Variants in GEMIN5 observed in about 807,000 individuals in gnomAD.
GEMIN5 encodes the protein gem-associated protein 5.
In GEMIN5, 124 loss-of-function variants were observed where a neutral mutation model predicts 176.9. The observed-to-expected ratio is 0.70, with a 90% CI of 0.61 to 0.81. The LOEUF (loss-of-function observed/expected upper bound fraction) is 0.81. GEMIN5 is among the 40% of genes least tolerant of loss of function. The probability of loss-of-function intolerance (pLI) is 0.00; values close to 1 mark genes in which losing one functional copy is unlikely to be tolerated. For missense variants in GEMIN5, 1,843 were observed against 1,814.6 expected, an observed-to-expected ratio of 1.02 and a Z score of -0.28; for synonymous variants, 673 against 665.2, an observed-to-expected ratio of 1.01 and a Z score of -0.18.
At position 154,899,432 on chromosome 5, in the gene GEMIN5, TA is replaced by T. The variant is rs1478577985; in HGVS notation, c.3015-123del. On this transcript the variant is annotated intron_variant, in intron 21 of 27. Coordinates refer to ENST00000285873, the MANE Select transcript of GEMIN5 (RefSeq NM_015465.5). ...GTTGTCTTATTGTTCCAACTTCCTTTAAAAACTGCACTTGCATTATATAGAC... is the reference window on the plus strand; with the variant it reads ...GTTGTCTTATTGTTCCAACTTCCTTTAAAACTGCACTTGCATTATATAGAC... The T allele has an allele frequency of 3.9e-6, 3 of 772,196 alleles. No homozygotes were observed. The Admixed American group carries it at 9.0e-5, about 23-fold the overall frequency. 47.8% of individuals were successfully genotyped at this position (772,196 alleles called of 1,614,324 possible). A position where few individuals can be genotyped will look rare whatever the true frequency, so the allele number is the denominator to read the frequency against.
chr5:154,898,784 G>A (rs1034986161), intron 22 of GEMIN5, 134 bp from the exon 23 acceptor site: 79 of 731,352 alleles, frequency 1.1e-4, no homozygotes, highest in Admixed American at 2.3e-4. Context: ...TCACTGCCCC[G>A]GTTGTTCCTG....
Position 154,927,380 on chromosome 5 carries a change from C to G in GEMIN5, c.1080+5G>C, listed in dbSNP as rs1764063538. ...ACAATGCTGAGTGAAAATAAGCATTCTTACATCTCTATCCATTGATGTAGA... is the reference window on the plus strand; with the variant it reads ...ACAATGCTGAGTGAAAATAAGCATTGTTACATCTCTATCCATTGATGTAGA... On this transcript the variant is annotated splice_donor_5th_base_variant and intron_variant, in intron 7 of 27. Transcript: ENST00000285873. 6.4e-7 allele frequency: 1 copy of G among 1,558,296 alleles called. No individual in the cohort carries two copies. The highest frequency in any genetic ancestry group is 1.3e-5 in the African/African-American group (1 of 74,198).
rs1763252459 is a variant in GEMIN5, at chr5:154,892,475, C to A, written c.3672G>T (p.Val1224=). ...GGACCACCGCCCGAAGGAGCGCCTG[C>A]ACAGCCTCGTCCCAGGAGGCCATCT... The part of the protein sequence containing the change: ...SQQMASWDEA[V]QALLRAVVRS... The change falls in exon 25 of 28, where the codon GTG becomes GTT. Residue 1224 remains valine, a synonymous_variant. Transcript: ENST00000285873. 4 of 1,614,230 alleles carry A rather than the reference C, an allele frequency of 2.5e-6. No homozygotes were observed. Among genetic ancestry groups the A allele is most frequent in the Non-Finnish European group, 3.4e-6 (4 of 1,180,038 alleles).
At chr5:154,912,632 TGA>T (rs1763725835) in intron 14 of GEMIN5, among the ~76,000 whole-genome samples, 1 of 152,140 alleles carries the variant, frequency 6.6e-6, no homozygotes, top group African/African-American at 2.4e-5. Context: ...ATACTGATAG[TGA>T]GTCAGAATGA....
At chr5:154,908,338 G>A (rs573251895) in intron 15 of GEMIN5, among the ~76,000 whole-genome samples, 7 of 151,986 alleles carry the variant, frequency 4.6e-5, no homozygotes, top group African/African-American at 7.2e-5. Context: ...GCACAACCAC[G>A]CCCAGCTAAT....
At chr5:154,888,420 G>C (rs759037791) in intron 27 of GEMIN5, 43 bp from the exon 28 acceptor site, 63 of 1,573,952 alleles carry the variant, frequency 4.0e-5, no homozygotes, top group Non-Finnish European at 3.8e-5. Flanking sequence ...AGCATTTGCA[G>C]AAGAGCCACA....
chr5:154,908,306 G>A (rs1374810364), intron 15 of GEMIN5, among the ~76,000 whole-genome samples: 2 of 149,928 alleles, frequency 1.3e-5, no homozygotes, highest in South Asian at 2.1e-4. Flanking sequence ...TCAGCCTCCT[G>A]AGTAGCTGGG....
At chr5:154,933,670 G>C (rs1171558542) in intron 3 of GEMIN5, among the ~76,000 whole-genome samples, 2 of 152,076 alleles carry the variant, frequency 1.3e-5, no homozygotes, top group Non-Finnish European at 2.9e-5. Context: ...AAGAACACCA[G>C]CACAGCTTTA....
intron 17 of GEMIN5, 69 bp from the exon 18 acceptor site, chr5:154,904,698 G>T: frequency 5.7e-6 from 7 of 1,228,966 alleles, no homozygotes; most frequent in Admixed American, 1.7e-5. Context: ...AATGCCTATT[G>T]TGTGAATGTA....
intron 2 of GEMIN5, 151 bp downstream of exon 2, chr5:154,936,874 T>C: frequency 1.6e-6 from 1 of 625,570 alleles, no homozygotes; most frequent in Non-Finnish European, 2.7e-6. Context: ...TCAAAAAAAG[T>C]TGAGACATCT....
chr5:154,919,239 G>A (rs1407421647), intron 11 of GEMIN5, among the ~76,000 whole-genome samples: 3 of 152,036 alleles, frequency 2.0e-5, no homozygotes, highest in African/African-American at 7.2e-5. Context: ...GCTGAGGCAG[G>A]AGAATCTCAT....
In GEMIN5 at chr5:154,891,439, G is replaced by A; in HGVS notation, c.4064C>T (p.Thr1355Ile). 5 of 1,614,154 alleles carry A rather than the reference G, an allele frequency of 3.1e-6. No individual in the cohort carries two copies. Among genetic ancestry groups the A allele is most frequent in the Non-Finnish European group, 4.2e-6 (5 of 1,180,008 alleles). Reference protein sequence around the residue: ...LTEEGERMLSTFKELFSEKHA... With the variant: ...LTEEGERMLSIFKELFSEKHA... ...CTTTTCTGAAAAGAGCTCCTTAAAA[G>A]TACTCAGCATTCGCTCACCTTCTTC... Residue 1355 changes from threonine to isoleucine, a missense_variant, in exon 26 of 28, where the codon ACT (threonine) becomes ATT (isoleucine). By Grantham distance (89) the Thr-to-Ile change is moderately conservative (BLOSUM62 -1). Coordinates refer to ENST00000285873, the MANE Select transcript of GEMIN5 (RefSeq NM_015465.5).
chr5:154,924,568 A>T lies in GEMIN5; in HGVS notation c.1294-14T>A, dbSNP rs376748327. On this transcript the variant is annotated splice_polypyrimidine_tract_variant and intron_variant, in intron 8 of 27. Coordinates refer to ENST00000285873, the MANE Select transcript of GEMIN5 (RefSeq NM_015465.5). Reference sequence around the variant, plus strand: ...GTGCCAGCACAGCTACAAAAAAAAGAGTTTCCAAGTGAGAATATAAGAAGT... The same window carrying T: ...GTGCCAGCACAGCTACAAAAAAAAGTGTTTCCAAGTGAGAATATAAGAAGT... The T allele has an allele frequency of 3.6e-5, 56 of 1,560,372 alleles. No individual in the cohort carries two copies. The highest frequency in any genetic ancestry group is 4.7e-5 in the Non-Finnish European group (53 of 1,132,982).
At position 154,902,812 on chromosome 5, in the gene GEMIN5, A is replaced by G. The variant is rs1421540540; in HGVS notation, c.2729-136T>C. On this transcript the variant is annotated intron_variant, in intron 19 of 27. Transcript: ENST00000285873. ...CATTCTCTGATGGGTGTCACCTACC[A>G]GAGTGATTACAGTAAGATCTGAAGC... 6 of 873,430 alleles carry G rather than the reference A, an allele frequency of 6.9e-6. No homozygotes were observed. In the Admixed American group the frequency reaches 7.0e-5, roughly 10 times the overall value. 54.1% of individuals were successfully genotyped at this position (873,430 alleles called of 1,614,324 possible).
intron 10 of GEMIN5, among the ~76,000 whole-genome samples, 185 bp from the exon 11 acceptor site, chr5:154,920,288 A>G (rs558278113): frequency 6.6e-6 from 1 of 152,308 alleles, no homozygotes; most frequent in East Asian, 1.9e-4. Flanking sequence ...GAGCAGAAGT[A>G]AAAAAACTAT....
chr5:154,888,011 A>C lies in GEMIN5; in HGVS notation c.*199T>G, dbSNP rs1305735912. 1 of 563,536 alleles carries C rather than the reference A, an allele frequency of 1.8e-6. No homozygotes were observed. The highest frequency in any genetic ancestry group is 3.2e-5 in the Admixed American group (1 of 31,740). The allele number at this position is 563,536 out of a possible 1,614,324, so 34.9% of individuals were successfully genotyped here. On this transcript the variant is annotated 3_prime_UTR_variant, in exon 28 of 28. Coordinates refer to ENST00000285873, the MANE Select transcript of GEMIN5 (RefSeq NM_015465.5). Reference sequence around the variant, plus strand: ...TTCATGATCTTCCCTCCAGTAGGAGACCACAATTGAGTCTAAAGTCAGATC... The same window carrying C: ...TTCATGATCTTCCCTCCAGTAGGAGCCCACAATTGAGTCTAAAGTCAGATC...
chr5:154,888,368 A>G lies in GEMIN5; in HGVS notation c.4369T>C (p.Phe1457Leu). The G allele has an allele frequency of 6.2e-7, 1 of 1,613,702 alleles. No homozygotes were observed. The highest frequency in any genetic ancestry group is 8.5e-7 in the Non-Finnish European group (1 of 1,179,828). The part of the protein sequence containing the change: ...KFPESIKAWP[F>L]PDVLECCLVL... Reference sequence around the variant, plus strand: ...AGGCAGCACTCCAGCACATCTGGGAAGGGCCAGGCCTGAAAGACGATGACA... The same window carrying G: ...AGGCAGCACTCCAGCACATCTGGGAGGGGCCAGGCCTGAAAGACGATGACA... Residue 1457 changes from phenylalanine (F) to leucine (L), a missense_variant, in exon 28 of 28, where the codon TTC becomes CTC. Coordinates refer to ENST00000285873, the MANE Select transcript of GEMIN5 (RefSeq NM_015465.5).
intron 2 of GEMIN5, 46 bp from the exon 3 acceptor site, chr5:154,936,068 A>T: frequency 1.7e-6 from 2 of 1,206,238 alleles, no homozygotes; most frequent in Non-Finnish European, 2.3e-6. Flanking sequence ...CTGAAGTTCT[A>T]CTTAATTTTT....
chr5:154,930,107 C>T (rs1416749365), intron 5 of GEMIN5, among the ~76,000 whole-genome samples: 1 of 152,204 alleles, frequency 6.6e-6, no homozygotes, highest in Non-Finnish European at 1.5e-5. Context: ...ACCTGCTCCA[C>T]CCTGACTCAT....
Sources: allele counts gnomAD v4.1 joint callset (sites outside exome capture counted in the v4.1 genomes callset), GRCh38; gene constraint gnomAD v4.1.1; transcripts MANE v1.5; gene names NCBI Gene and HGNC (gene_info 2026-07-23, HGNC 2026-07-21).